Variants in PABPC4L observed in about 807,000 individuals in gnomAD.
PABPC4L encodes polyadenylate-binding protein 4-like.
For missense variants in PABPC4L, 452 were observed against 451.4 expected (o/e 1.00, Z -0.01); for synonymous variants, 169 against 164.1 (o/e 1.03, Z -0.23).
At chr4:133,954,256 AG>A in the PABPC4L span, among the ~76,000 whole-genome samples, 1 of 152,166 alleles carries the variant, frequency 6.6e-6, no homozygotes, top group Non-Finnish European at 1.5e-5. Context: ...AGGGTATCCC[AG>A]GGATTTTCAA....
At chr4:134,029,969 A>T in the PABPC4L span, among the ~76,000 whole-genome samples, 1 of 151,466 alleles carries the variant, frequency 6.6e-6, no homozygotes, top group Non-Finnish European at 1.5e-5. Flanking sequence ...TTATAAGGAG[A>T]TTTTTCCCCT....
chr4:134,131,702 T>A, the PABPC4L span, among the ~76,000 whole-genome samples: 4 of 72,740 alleles, frequency 5.5e-5, no homozygotes, highest in African/African-American at 2.5e-4. Flanking sequence ...TATCCTAAAA[T>A]TCCTGTGAAA....
chr4:134,129,939 C>A, the PABPC4L span, among the ~76,000 whole-genome samples: 1 of 151,736 alleles, frequency 6.6e-6, no homozygotes, highest in South Asian at 2.1e-4. Context: ...GTGGTGTGCA[C>A]CTGTAATCCT....
chr4:134,059,828 C>T, the PABPC4L span, among the ~76,000 whole-genome samples: 3 of 152,086 alleles, frequency 2.0e-5, no homozygotes, highest in African/African-American at 7.2e-5. Context: ...ATCTCCCCGA[C>T]AGGAATACCA....
chr4:134,044,295 ACT>A, the PABPC4L span, among the ~76,000 whole-genome samples: 1 of 151,530 alleles, frequency 6.6e-6, no homozygotes, highest in Non-Finnish European at 1.5e-5. Context: ...AGAGAGTCTC[ACT>A]CTGTCGCCCA....
chr4:134,140,174 C>T, the PABPC4L span, among the ~76,000 whole-genome samples: 29 of 151,676 alleles, frequency 1.9e-4, no homozygotes, highest in Non-Finnish European at 8.8e-5. Context: ...CCATAGCTAA[C>T]AGTATTGGAT....
At chr4:134,104,319 C>T in the PABPC4L span, among the ~76,000 whole-genome samples, 1 of 151,614 alleles carries the variant, frequency 6.6e-6, no homozygotes, top group South Asian at 2.1e-4. Context: ...TGACCATTAT[C>T]AGTTGAACAA....
At chr4:134,061,526 G>A in the PABPC4L span, among the ~76,000 whole-genome samples, 3 of 151,374 alleles carry the variant, frequency 2.0e-5, no homozygotes, top group Non-Finnish European at 4.4e-5. Context: ...AGTCTGAGAA[G>A]AATAAAGAGG....
the PABPC4L span, among the ~76,000 whole-genome samples, chr4:134,074,457 C>G: frequency 3.3e-5 from 5 of 152,116 alleles, no homozygotes; most frequent in Non-Finnish European, 7.3e-5. Flanking sequence ...CCCTCCAAGT[C>G]TCTAGGAAGT....
At chr4:133,996,397 G>A in the PABPC4L span, among the ~76,000 whole-genome samples, 2 of 152,136 alleles carry the variant, frequency 1.3e-5, no homozygotes, top group African/African-American at 4.8e-5. Flanking sequence ...ACAATAGTCT[G>A]CATTAAGCCC....
At chr4:134,137,064 G>A in the PABPC4L span, among the ~76,000 whole-genome samples, 1 of 151,990 alleles carries the variant, frequency 6.6e-6, no homozygotes. Flanking sequence ...TCTCATAAAT[G>A]TCAAGAGCAA....
chr4:134,014,475 A>C, the PABPC4L span, among the ~76,000 whole-genome samples: 2 of 152,296 alleles, frequency 1.3e-5, no homozygotes, highest in East Asian at 1.9e-4. Flanking sequence ...CACCAGGCCA[A>C]GGAATGCCTG....
chr4:134,144,019 C>T, the PABPC4L span, among the ~76,000 whole-genome samples: 1 of 151,492 alleles, frequency 6.6e-6, no homozygotes, highest in Non-Finnish European at 1.5e-5. Context: ...GATCATATGC[C>T]TTAATCCCTT....
chr4:133,955,156 G>A, the PABPC4L span, among the ~76,000 whole-genome samples: 2 of 151,976 alleles, frequency 1.3e-5, no homozygotes, highest in Admixed American at 1.3e-4. Flanking sequence ...ATGGAACATT[G>A]TGAAAAATTA....
At chr4:134,190,390 A>C in the PABPC4L span, among the ~76,000 whole-genome samples, 3 of 152,046 alleles carry the variant, frequency 2.0e-5, no homozygotes, top group African/African-American at 4.8e-5. Context: ...ACAGACTTGT[A>C]TAGGTACCCT....
chr4:133,965,640 T>C, the PABPC4L span, among the ~76,000 whole-genome samples: 23 of 152,186 alleles, frequency 1.5e-4, no homozygotes, highest in Middle Eastern at 3.4e-3. Flanking sequence ...TGGAACAGAA[T>C]AGAGAATCCA....
At chr4:134,049,249 G>A in the PABPC4L span, among the ~76,000 whole-genome samples, 1 of 152,020 alleles carries the variant, frequency 6.6e-6, no homozygotes, top group Non-Finnish European at 1.5e-5. Flanking sequence ...GAATTTGAAA[G>A]AGACTATAAA....
chr4:133,999,614 A>G, the PABPC4L span, among the ~76,000 whole-genome samples: 3 of 152,108 alleles, frequency 2.0e-5, no homozygotes, highest in Non-Finnish European at 4.4e-5. Context: ...TATGCTTTTT[A>G]TAAGATATAT....
chr4:134,080,292 G>A, the PABPC4L span, among the ~76,000 whole-genome samples: 1 of 152,070 alleles, frequency 6.6e-6, no homozygotes, highest in Non-Finnish European at 1.5e-5. Context: ...TTATTCATGA[G>A]CCTGTCACCT....
Sources: allele counts gnomAD v4.1 joint callset (sites outside exome capture counted in the v4.1 genomes callset), GRCh38; gene constraint gnomAD v4.1.1; transcripts MANE v1.5; gene names NCBI Gene and HGNC (gene_info 2026-07-23, HGNC 2026-07-21).